The following MPP4 variants were observed in gnomAD, a reference collection of about 807,000 sequenced individuals.
MPP4 encodes the protein MAGUK p55 subfamily member 4.
MPP4 carries 91 observed loss-of-function variants against 98.3 expected under a neutral mutation model. That is an observed-to-expected ratio of 0.93 (90% CI 0.78 to 1.10). The LOEUF (loss-of-function observed/expected upper bound fraction) is 1.10, where lower values mean the gene tolerates loss of function less well. Among genes scored for constraint, MPP4 ranks in the 50% least tolerant of loss-of-function variants. MPP4 has a pLI of 0.00. For synonymous variants in MPP4, 261 were observed against 271.8 expected (o/e 0.96, Z 0.39); for missense variants, 744 against 792.9 (o/e 0.94, Z 0.74).
chr2:201,672,682 C>T (rs1452601021), intron 11 of MPP4, among the ~76,000 whole-genome samples: 1 of 152,002 alleles, frequency 6.6e-6, no homozygotes. Context: ...ACACATGCAC[C>T]CTCCCATGAC....
rs1455361407 is a variant in MPP4, at chr2:201,650,065, A to G, written c.1475+7T>C. On this transcript the variant is annotated splice_region_variant and intron_variant, in intron 19 of 21. Coordinates refer to ENST00000409474, the MANE Select transcript of MPP4 (RefSeq NM_033066.3). The stretch of plus-strand genomic sequence containing the variant: ...GGTAAGAATCAGCTTCTGAACCTCT[A>G]CTTTACCTGTGACTATATATGAGGT... 3 of 1,555,576 alleles carry G rather than the reference A, an allele frequency of 1.9e-6. No homozygotes were observed. Among genetic ancestry groups the G allele is most frequent in the Non-Finnish European group, 2.6e-6 (3 of 1,149,066 alleles).
At chr2:201,671,459 T>C (rs11898622) in intron 11 of MPP4, among the ~76,000 whole-genome samples, 25,806 of 152,034 alleles carry the variant, frequency 0.17, 2,418 homozygotes, top group African/African-American at 0.24. Flanking sequence ...AGACTGCAAA[T>C]TGGATAAAGA....
intron 6 of MPP4, among the ~76,000 whole-genome samples, chr2:201,685,419 C>T (rs542169928): frequency 3.3e-5 from 5 of 152,312 alleles, no homozygotes; most frequent in East Asian, 1.9e-4. Context: ...AAAGGCCATT[C>T]GGCTTTGGCT....
At chr2:201,687,451 A>G in intron 4 of MPP4, 80 bp from the exon 5 acceptor site, 1 of 1,016,696 alleles carries the variant, frequency 9.8e-7, no homozygotes, top group South Asian at 1.4e-5. Flanking sequence ...GCTGGATAAC[A>G]TACATACTAA....
intron 12 of MPP4, among the ~76,000 whole-genome samples, chr2:201,666,904 A>T (rs1301794230): frequency 6.6e-6 from 1 of 152,162 alleles, no homozygotes; most frequent in Non-Finnish European, 1.5e-5. Flanking sequence ...ATATTAAATG[A>T]AAATGTATGA....
In MPP4 at chr2:201,694,064, A is replaced by G; in HGVS notation, c.-100-10T>C. 6.2e-7 allele frequency: 1 copy of G among 1,601,874 alleles called. No individual in the cohort carries two copies. The highest frequency in any genetic ancestry group is 8.5e-7 in the Non-Finnish European group (1 of 1,173,656). On this transcript the variant is annotated splice_polypyrimidine_tract_variant and intron_variant, in intron 1 of 21. Coordinates refer to ENST00000409474, the MANE Select transcript of MPP4 (RefSeq NM_033066.3). ...ACCAGCTCTCAGCACACTGGAATAT[A>G]TTTTCAATAGCATTTCCTCAGCAAG...
At chr2:201,657,539 C>T (rs1018209942) in intron 16 of MPP4, among the ~76,000 whole-genome samples, 4 of 149,174 alleles carry the variant, frequency 2.7e-5, no homozygotes, top group Non-Finnish European at 5.9e-5. Context: ...TCTAGACTTC[C>T]CCTTTCCATG....
chr2:201,692,766 G>T (rs1689074251), intron 3 of MPP4, 142 bp downstream of exon 3: 1 of 1,250,846 alleles, frequency 8.0e-7, no homozygotes, highest in Non-Finnish European at 1.1e-6. Context: ...GGACTTCCTG[G>T]CCTACAGAAC....
chr2:201,681,926 C>T (rs1688676954), intron 8 of MPP4, among the ~76,000 whole-genome samples: 2 of 152,028 alleles, frequency 1.3e-5, no homozygotes, highest in African/African-American at 4.8e-5. Flanking sequence ...CTCCTTATTC[C>T]CTTACTCAGT....
Position 201,680,840 on chromosome 2 carries a change from C to CTTGGTTTT in MPP4, c.926_927insAAAACCAA (p.Arg310LysfsTer35), listed in dbSNP as rs1559014852. The CTTGGTTTT allele has an allele frequency of 1.2e-6, 2 of 1,611,382 alleles. No homozygotes were observed. Among genetic ancestry groups the CTTGGTTTT allele is most frequent in the South Asian group, 2.2e-5 (2 of 90,546 alleles). On this transcript the variant is annotated frameshift_variant, in exon 10 of 22. Coordinates refer to ENST00000409474, the MANE Select transcript of MPP4 (RefSeq NM_033066.3). LOFTEE classifies it high-confidence loss of function. ...CCAGGAGTGGTGACGTTCCTTACCT[C>CTTGGTTTT]TTCAGAAGGTGGTTAGAAGGGACAA...
chr2:201,661,519 G>A (rs1354909648), intron 14 of MPP4: 2 of 456,486 alleles, frequency 4.4e-6, no homozygotes, highest in South Asian at 1.5e-5. Context: ...CCAGCTGAGA[G>A]GAGTCCACAA....
chr2:201,685,960 C>A lies in MPP4; in HGVS notation c.451G>T (p.Ala151Ser). The A allele has an allele frequency of 6.2e-7, 1 of 1,612,734 alleles. No individual in the cohort carries two copies. Among genetic ancestry groups the A allele is most frequent in the Non-Finnish European group, 8.5e-7 (1 of 1,178,866 alleles). The change falls in exon 6 of 22, where the codon GCA becomes TCA. Residue 151 changes from alanine to serine, a missense_variant. Ala to Ser is a moderately conservative substitution (Grantham distance 99, BLOSUM62 1). Transcript: ENST00000409474. Reference sequence around the variant, plus strand: ...TTCACTAAACAAACAATCCTCATTGCTTCCTCACTCTCAGGGATATTGTCT... The same window carrying A: ...TTCACTAAACAAACAATCCTCATTGATTCCTCACTCTCAGGGATATTGTCT... ...LPDNIPESEE[A>S]MRIVCLVKNQ...
intron 11 of MPP4, chr2:201,674,940 AG>A: frequency 3.5e-6 from 2 of 573,908 alleles, no homozygotes; most frequent in South Asian, 3.6e-5. Flanking sequence ...ACTCAGTACA[AG>A]AGGACAGCTT....
chr2:201,674,248 G>A (rs1014663033), intron 11 of MPP4, among the ~76,000 whole-genome samples: 2 of 152,232 alleles, frequency 1.3e-5, no homozygotes, highest in African/African-American at 4.8e-5. Flanking sequence ...ATGCACATAT[G>A]AGCTGCAGAG....
Position 201,650,271 on chromosome 2 carries a change from A to G in MPP4, c.1382-106T>C. On this transcript the variant is annotated intron_variant, in intron 18 of 21. Transcript: ENST00000409474. ...ATCAAAATAAATAAATGAATATATA[A>G]TCAAGGAGATAAAATGCTAGAACTA... 4 of 1,446,496 alleles carry G rather than the reference A, an allele frequency of 2.8e-6. No individual in the cohort carries two copies. The South Asian group carries it at 4.3e-5, about 16-fold the overall frequency. The allele number at this position is 1,446,496 out of a possible 1,614,324, so 89.6% of individuals were successfully genotyped here.
rs1176591360 is a variant in MPP4, at chr2:201,649,638, C to T, written c.1522G>A (p.Val508Met). ...EYKGHLYGTS[V>M]DAVQTVLVEG... ...ACAAGGACTGTTTGAACAGCATCCA[C>T]ACTAGTGCCATACAGGTGGCCTTTG... Residue 508 changes from valine (V) to methionine (M), a missense_variant, in exon 20 of 22, where the codon GTG becomes ATG. Val to Met is a conservative substitution (Grantham distance 21). Coordinates refer to ENST00000409474, the MANE Select transcript of MPP4 (RefSeq NM_033066.3). 6.2e-7 allele frequency: 1 copy of T among 1,611,108 alleles called. No individual in the cohort carries two copies. Among genetic ancestry groups the T allele is most frequent in the Non-Finnish European group, 8.5e-7 (1 of 1,178,824 alleles).
In MPP4 at chr2:201,664,085, T is replaced by G. The variant is rs1172691157; in HGVS notation, c.1068A>C (p.Glu356Asp). 1 of 1,522,942 alleles carries G rather than the reference T, an allele frequency of 6.6e-7. No homozygotes were observed. The highest frequency in any genetic ancestry group is 8.9e-7 in the Non-Finnish European group (1 of 1,125,148). 94.3% of individuals were successfully genotyped at this position (1,522,942 alleles called of 1,614,324 possible). The change falls in exon 14 of 22, where the codon GAA becomes GAC. Residue 356 changes from glutamate to aspartate, a missense_variant. Physicochemically the swap from Glu to Asp is conservative, Grantham distance 45. Transcript: ENST00000409474. Reference protein sequence around the residue: ...KCVEADEETFESEELSEDKEE... With the variant: ...KCVEADEETFDSEELSEDKEE... ...AAATACTCATTTTTTACTTACCAGA[T>G]TCAAATGTTTCTTCATCTATGATTT...
chr2:201,656,258 C>T lies in MPP4; in HGVS notation c.1240G>A (p.Glu414Lys), dbSNP rs757496706. The change falls in exon 17 of 22, where the codon GAG becomes AAG. Residue 414 changes from glutamate (E) to lysine (K), a missense_variant. Transcript: ENST00000409474. ...SCYSAVGAPYEEVVRYQRRPS... is the reference protein window; with the variant it reads ...SCYSAVGAPYKEVVRYQRRPS... Reference sequence around the variant, plus strand: ...CGTCGCTGGTACCTCACCACCTCCTCGTAAGGGGCACCCACTGCACTGTAG... The same window carrying T: ...CGTCGCTGGTACCTCACCACCTCCTTGTAAGGGGCACCCACTGCACTGTAG... 19 of 1,600,248 alleles carry T rather than the reference C, an allele frequency of 1.2e-5. No individual in the cohort carries two copies. The highest frequency in any genetic ancestry group is 9.1e-5 in the South Asian group (8 of 88,010).
chr2:201,672,919 A>C (rs112829120), intron 11 of MPP4, among the ~76,000 whole-genome samples: 1 of 152,192 alleles, frequency 6.6e-6, no homozygotes, highest in South Asian at 2.1e-4. Context: ...CACACACAAA[A>C]AAAATTTCAG....
Sources: gnomAD v4.1 joint callset for allele counts (sites outside exome capture counted in the v4.1 genomes callset) on GRCh38, gnomAD v4.1.1 for gene constraint, MANE v1.5 for transcripts, NCBI Gene and HGNC (gene_info 2026-07-23, HGNC 2026-07-21) for gene names.